STRBP: variants seen among roughly 807,000 people sequenced by gnomAD.
STRBP encodes the protein spermatid perinuclear RNA binding protein.
A neutral mutation model predicts 80.1 loss-of-function variants in STRBP; 13 were observed. The observed-to-expected ratio is 0.16, with a 90% CI of 0.11 to 0.26. The LOEUF is 0.26. Ranked by LOEUF, STRBP falls within the 10% of genes least tolerant of loss-of-function variation. The probability of loss-of-function intolerance (pLI) is 1.00; values close to 1 mark genes in which losing one functional copy is unlikely to be tolerated. For synonymous variants in STRBP, 284 were observed against 291.2 expected, an observed-to-expected ratio of 0.98 and a Z score of 0.25; for missense variants, 485 against 815.2, an observed-to-expected ratio of 0.59 and a Z score of 4.93.
At chr9:123,140,301 A>G (rs2036534659) in intron 13 of STRBP, among the ~76,000 whole-genome samples, 1 of 152,238 alleles carries the variant, frequency 6.6e-6, no homozygotes, top group African/African-American at 2.4e-5. Context: ...AAAACTTAAA[A>G]GATTCAGTCT....
At chr9:123,171,780 C>A (rs984110115) in intron 5 of STRBP, among the ~76,000 whole-genome samples, 1 of 152,152 alleles carries the variant, frequency 6.6e-6, no homozygotes, top group African/African-American at 2.4e-5. Flanking sequence ...TTACCTTCTG[C>A]CAGACAGCAT....
At chr9:123,127,300 T>C (rs549859262) in intron 18 of STRBP, among the ~76,000 whole-genome samples, 2 of 152,216 alleles carry the variant, frequency 1.3e-5, no homozygotes, top group Non-Finnish European at 2.9e-5. Context: ...TGCGAAGGTC[T>C]GAGGCTCATG....
In STRBP at chr9:123,184,166, G is replaced by A. The variant is rs762298530; in HGVS notation, c.-32C>T. ...CTATAGTATTTTAGCTTCTTTTTCC[G>A]ATCCTTTCCCCTCTTTCTTGTCGTC... On this transcript the variant is annotated 5_prime_UTR_variant, in exon 3 of 19. Transcript: ENST00000348403. The A allele has an allele frequency of 1.2e-5, 20 of 1,605,488 alleles. No homozygotes were observed. Among genetic ancestry groups the A allele is most frequent in the East Asian group, 1.1e-4 (5 of 44,722 alleles).
chr9:123,204,923 C>CAAAAAAAA (rs34576355), intron 2 of STRBP, among the ~76,000 whole-genome samples: 4 of 54,470 alleles, frequency 7.3e-5, no homozygotes, highest in East Asian at 3.9e-4. Flanking sequence ...GACTCCATCT[C>CAAAAAAAA]AAAAAAAAAA....
At chr9:123,201,255 C>A (rs1221205180) in intron 2 of STRBP, among the ~76,000 whole-genome samples, 1 of 151,984 alleles carries the variant, frequency 6.6e-6, no homozygotes, top group African/African-American at 2.4e-5. Context: ...GTTACTTCTT[C>A]TTCTAGCTTT....
chr9:123,133,290 C>T (rs2036218054), intron 16 of STRBP, among the ~76,000 whole-genome samples: 1 of 152,106 alleles, frequency 6.6e-6, no homozygotes, highest in Non-Finnish European at 1.5e-5. Context: ...ACACTTGGTA[C>T]CTAGGTTCCA....
intron 2 of STRBP, among the ~76,000 whole-genome samples, chr9:123,233,218 G>A (rs1006017244): frequency 2.6e-5 from 4 of 152,082 alleles, no homozygotes; most frequent in Admixed American, 6.6e-5. Flanking sequence ...GACTACAGGC[G>A]CATACCACCA....
rs746988542 is a variant in STRBP at position 123,179,199 on chromosome 9, T to C, written c.32A>G (p.Asp11Gly). Residue 11 changes from aspartate to glycine, a missense_variant, in exon 4 of 19, where the codon GAT (aspartate) becomes GGT (glycine). Physicochemically the swap from Asp to Gly is moderately conservative, Grantham distance 94. Coordinates refer to ENST00000348403, the MANE Select transcript of STRBP (RefSeq NM_018387.5). MRSIRSFAND[D>G]RHVMVKHSTI... ...TGAATGTTTCACCATAACATGGCGA[T>C]CATCATTAGCAAAAGATCGAATAGA... is the stretch of plus-strand genomic sequence containing the variant. 1.9e-6 allele frequency: 3 copies of C among 1,609,490 alleles called. No individual in the cohort carries two copies. The highest frequency in any genetic ancestry group is 1.7e-6 in the Non-Finnish European group (2 of 1,176,140).
chr9:123,127,522 T>A (rs905916192), intron 18 of STRBP, among the ~76,000 whole-genome samples: 1 of 152,204 alleles, frequency 6.6e-6, no homozygotes, highest in Non-Finnish European at 1.5e-5. Flanking sequence ...ACTCCAAACC[T>A]ATTGCCTCCA....
chr9:123,167,832 T>C (rs899147315), intron 6 of STRBP, among the ~76,000 whole-genome samples: 2 of 152,168 alleles, frequency 1.3e-5, no homozygotes, highest in African/African-American at 4.8e-5. Flanking sequence ...TATTCTATAA[T>C]AGTTTCTAGC....
chr9:123,170,066 CA>C lies in STRBP; in HGVS notation c.391-21del, dbSNP rs1242900951. ...GAGTTTCTGAAAGTCACCAAGATTT[CA>C]AAATCACCCAGTTAATTAGACTGAA... On this transcript the variant is annotated intron_variant, in intron 5 of 18. Transcript: ENST00000348403. 6.3e-7 allele frequency: 1 copy of C among 1,587,238 alleles called. No individual in the cohort carries two copies. Among genetic ancestry groups the C allele is most frequent in the Non-Finnish European group, 8.6e-7 (1 of 1,168,596 alleles).
chr9:123,139,952 T>G (rs2036519533), intron 13 of STRBP, among the ~76,000 whole-genome samples: 1 of 152,170 alleles, frequency 6.6e-6, no homozygotes, highest in African/African-American at 2.4e-5. Flanking sequence ...CTATTCCTAG[T>G]TCATTTAATT....
chr9:123,159,011 A>G, intron 9 of STRBP, 85 bp downstream of exon 9: 1 of 1,102,808 alleles, frequency 9.1e-7, no homozygotes, highest in African/African-American at 1.5e-5. Context: ...TTTCCTGTGT[A>G]GAGAACAAAC....
At chr9:123,182,471 G>T (rs1452284491) in intron 3 of STRBP, among the ~76,000 whole-genome samples, 1 of 152,124 alleles carries the variant, frequency 6.6e-6, no homozygotes, top group East Asian at 1.9e-4. Flanking sequence ...TCTTTTAGTT[G>T]TAAGAATATC....
chr9:123,259,833 G>A (rs2041122800), intron 1 of STRBP, among the ~76,000 whole-genome samples: 1 of 152,218 alleles, frequency 6.6e-6, no homozygotes. Flanking sequence ...AGAAAAACCA[G>A]CAATCTGGTA....
intron 3 of STRBP, among the ~76,000 whole-genome samples, chr9:123,183,432 G>C (rs975634442): frequency 6.7e-6 from 1 of 150,210 alleles, no homozygotes; most frequent in East Asian, 1.9e-4. Flanking sequence ...GTGAGACTCC[G>C]TCTTTAAAAA....
At chr9:123,144,829 T>TGA (rs1287489037) in intron 13 of STRBP, among the ~76,000 whole-genome samples, 2 of 152,128 alleles carry the variant, frequency 1.3e-5, no homozygotes, top group African/African-American at 2.4e-5. Context: ...GTCATAAACC[T>TGA]GAGATGTTAG....
In STRBP at chr9:123,197,848, T is replaced by G. The variant is rs2039159723; in HGVS notation, c.-164-13550A>C. 2.6e-5 allele frequency among the ~76,000 whole-genome samples: 4 copies of G among 151,882 alleles called. No individual in the cohort carries two copies. In the South Asian group the frequency reaches 8.3e-4, roughly 32 times the overall value. On this transcript the variant is annotated intron_variant, in intron 2 of 18. Transcript: ENST00000348403. ...AGCCACCATGTCCCGCTAATTTTTGTATTTTTAGTAGAGACAGGGTTTCAC... is the reference window on the plus strand; with the variant it reads ...AGCCACCATGTCCCGCTAATTTTTGGATTTTTAGTAGAGACAGGGTTTCAC...
At chr9:123,158,537 A>G (rs971204062) in intron 9 of STRBP, 108 bp from the exon 10 acceptor site, 3 of 934,588 alleles carry the variant, frequency 3.2e-6, no homozygotes, top group Non-Finnish European at 4.9e-6. Context: ...TGAAAAAAAA[A>G]ACTGAGGAAC....
Sources: allele counts gnomAD v4.1 joint callset (sites outside exome capture counted in the v4.1 genomes callset), GRCh38; gene constraint gnomAD v4.1.1; transcripts MANE v1.5; gene names NCBI Gene and HGNC (gene_info 2026-07-23, HGNC 2026-07-21).